Variants in AKAP7 observed in about 807,000 individuals in gnomAD.
The protein encoded by AKAP7 is A-kinase anchoring protein 7.
In AKAP7, 39 loss-of-function variants were observed where a neutral mutation model predicts 39.5. The observed-to-expected ratio is 0.99, with a 90% CI of 0.76 to 1.29. The LOEUF (loss-of-function observed/expected upper bound fraction) is 1.29, where lower values mean the gene tolerates loss of function less well. Ranked by LOEUF, AKAP7 falls within the 50% of genes most tolerant of loss-of-function variation. The pLI, the probability that AKAP7 is intolerant of heterozygous loss-of-function variation, is 0.00. For synonymous variants in AKAP7, 140 were observed against 139.1 expected (o/e 1.01, Z -0.05); for missense variants, 414 against 407.7 (o/e 1.02, Z -0.13).
chr6:131,147,262 C>T (rs1801556300), intron 2 of AKAP7, among the ~76,000 whole-genome samples: 1 of 152,208 alleles, frequency 6.6e-6, no homozygotes, highest in Non-Finnish European at 1.5e-5. Flanking sequence ...TTCTGATGCT[C>T]AGCCAGTCTC....
At chr6:131,127,834 A>G in the AKAP7 span, among the ~76,000 whole-genome samples, 2 of 152,254 alleles carry the variant, frequency 1.3e-5, no homozygotes, top group African/African-American at 2.4e-5. Flanking sequence ...ACCATGGAAT[A>G]CTATGCAACC....
At position 131,145,281 on chromosome 6, in the gene AKAP7, A is replaced by G. The variant is rs771165203; in HGVS notation, c.20-4A>G. 8.1e-6 allele frequency: 12 copies of G among 1,481,396 alleles called. No homozygotes were observed. The Admixed American group carries it at 1.3e-4, about 16-fold the overall frequency. 91.8% of individuals were successfully genotyped at this position (1,481,396 alleles called of 1,614,324 possible). On this transcript the variant is annotated splice_polypyrimidine_tract_variant and splice_region_variant and intron_variant, in intron 1 of 7. Coordinates refer to ENST00000431975, the MANE Select transcript of AKAP7 (RefSeq NM_016377.4). ...CTTTTTTTTCTGTTTGTGATATGTT[A>G]AAGGAGGAATTAATTCCAATGAGTG...
rs1225242949 is a variant in AKAP7 at position 131,282,531 on chromosome 6, A to C, written c.*805A>C. ...GAGACTCAGGCCAGAATTAGGAGGGAGCTTTTTGAAGGAAGACTTATTAAC... is the reference window on the plus strand; with the variant it reads ...GAGACTCAGGCCAGAATTAGGAGGGCGCTTTTTGAAGGAAGACTTATTAAC... On this transcript the variant is annotated 3_prime_UTR_variant, in exon 8 of 8. Transcript: ENST00000431975. 1 of 1,535,900 alleles carries C rather than the reference A, an allele frequency of 6.5e-7. No individual in the cohort carries two copies. Among genetic ancestry groups the C allele is most frequent in the Admixed American group, 2.0e-5 (1 of 50,990 alleles).
chr6:131,209,784 T>C (rs965464277), intron 6 of AKAP7, among the ~76,000 whole-genome samples: 4 of 152,218 alleles, frequency 2.6e-5, no homozygotes, highest in African/African-American at 4.8e-5. Context: ...ATTTTCTTAG[T>C]CAAGGACAAA....
At chr6:131,217,679 C>T (rs771628819) in intron 6 of AKAP7, among the ~76,000 whole-genome samples, 7 of 152,112 alleles carry the variant, frequency 4.6e-5, no homozygotes, top group East Asian at 1.9e-4. Context: ...AAACAGTTAG[C>T]GTTTACCTTT....
chr6:131,226,923 C>G (rs1008691497), intron 7 of AKAP7, among the ~76,000 whole-genome samples: 1 of 152,134 alleles, frequency 6.6e-6, no homozygotes, highest in East Asian at 1.9e-4. Flanking sequence ...ACTTCTCTCT[C>G]GGGTATCATG....
rs931501925 is a variant in AKAP7 at position 131,282,373 on chromosome 6, GT to G, written c.*649del. 5 of 1,437,132 alleles carry G rather than the reference GT, an allele frequency of 3.5e-6. No homozygotes were observed. In the African/African-American group the frequency reaches 7.2e-5, roughly 21 times the overall value. 89.0% of individuals were successfully genotyped at this position (1,437,132 alleles called of 1,614,324 possible). ...GTCAGTATGCCATATTTAATGAAATGTTATTATATAATTTTTTTTTCTTAGG... is the reference window on the plus strand; with the variant it reads ...GTCAGTATGCCATATTTAATGAAATGTATTATATAATTTTTTTTTCTTAGG... On this transcript the variant is annotated 3_prime_UTR_variant, in exon 8 of 8. Transcript: ENST00000431975.
chr6:131,150,250 C>T (rs1380205965), intron 2 of AKAP7, among the ~76,000 whole-genome samples: 4 of 152,096 alleles, frequency 2.6e-5, no homozygotes, highest in African/African-American at 9.7e-5. Context: ...GAATTCTACT[C>T]TGTAATAACT....
At chr6:131,166,537 A>G (rs1427604448) in intron 4 of AKAP7, among the ~76,000 whole-genome samples, 7 of 152,234 alleles carry the variant, frequency 4.6e-5, no homozygotes, top group Non-Finnish European at 2.9e-5. Context: ...TCTTCAGGGC[A>G]GTCTGGAAGG....
At position 131,217,201 on chromosome 6, in the gene AKAP7, A is replaced by G. The variant is rs568086095; in HGVS notation, c.703-2460A>G. ...CTGGGAGGATGATGCTTCTGAAACT[A>G]TTTTGCCATCCCAGTGGATTCATTC... On this transcript the variant is annotated intron_variant, in intron 6 of 7. Coordinates refer to ENST00000431975, the MANE Select transcript of AKAP7 (RefSeq NM_016377.4). Among the ~76,000 whole-genome samples, 27 of 152,174 alleles carry G rather than the reference A, an allele frequency of 1.8e-4. No homozygotes were observed. In the South Asian group the frequency reaches 2.9e-3, roughly 16 times the overall value.
At chr6:131,135,272 T>G (rs1413940951), upstream of AKAP7, among the ~76,000 whole-genome samples, 1 of 152,294 alleles carries the variant, frequency 6.6e-6, no homozygotes, top group Admixed American at 6.5e-5. Flanking sequence ...GGGAAATAAA[T>G]GAGGGCTGCC....
chr6:131,219,543 G>A (rs761805164), intron 6 of AKAP7, 118 bp from the exon 7 acceptor site: 33 of 881,768 alleles, frequency 3.7e-5, no homozygotes, highest in Non-Finnish European at 5.4e-5. Context: ...TCAAGTGCCA[G>A]TAGGCAGTGG....
intron 7 of AKAP7, among the ~76,000 whole-genome samples, chr6:131,241,577 A>ATATGTGTGTG (rs1349874555): frequency 1.8e-4 from 15 of 81,276 alleles, no homozygotes; most frequent in African/African-American, 6.9e-4. Flanking sequence ...GATTATATAT[A>ATATGTGTGTG]TGTGTGTGTG....
In AKAP7 at chr6:131,213,096, C is replaced by T. The variant is rs560903204; in HGVS notation, c.703-6565C>T. ...GAGGTGAGTGGTTCCATACTTTTGA[C>T]CTCTAAGCTATAAAAGCACAACACA... On this transcript the variant is annotated intron_variant, in intron 6 of 7. Transcript: ENST00000431975. 2.6e-5 allele frequency among the ~76,000 whole-genome samples: 4 copies of T among 152,252 alleles called. No homozygotes were observed. The East Asian group carries it at 7.7e-4, about 29-fold the overall frequency.
At chr6:131,203,285 C>T (rs1258979344) in intron 6 of AKAP7, among the ~76,000 whole-genome samples, 2 of 152,096 alleles carry the variant, frequency 1.3e-5, no homozygotes, top group Non-Finnish European at 2.9e-5. Flanking sequence ...CTATTTTCTT[C>T]TCTCGGCACT....
intron 7 of AKAP7, chr6:131,242,176 A>G (rs902325338): frequency 1.0e-6 from 1 of 984,908 alleles, no homozygotes; most frequent in Non-Finnish European, 1.2e-6. Context: ...TACTAGAGTA[A>G]TGATTCAGGT....
At chr6:131,216,653 A>G (rs1262708722) in intron 6 of AKAP7, among the ~76,000 whole-genome samples, 1 of 152,230 alleles carries the variant, frequency 6.6e-6, no homozygotes, top group African/African-American at 2.4e-5. Context: ...GATAGTCTTG[A>G]AAACTTTTTT....
chr6:131,233,727 A>G (rs1351825283), intron 7 of AKAP7, among the ~76,000 whole-genome samples: 2 of 152,164 alleles, frequency 1.3e-5, no homozygotes, highest in Admixed American at 6.6e-5. Context: ...GTGTTAAGGG[A>G]TTTGTAAAAT....
chr6:131,206,760 T>G (rs1348610124), intron 6 of AKAP7, among the ~76,000 whole-genome samples: 1 of 149,610 alleles, frequency 6.7e-6, no homozygotes, highest in Non-Finnish European at 1.5e-5. Context: ...TAGCTAGCTG[T>G]CTGTCTGTCT....
Sources: gnomAD v4.1 joint callset for allele counts (sites outside exome capture counted in the v4.1 genomes callset) on GRCh38, gnomAD v4.1.1 for gene constraint, MANE v1.5 for transcripts, NCBI Gene and HGNC (gene_info 2026-07-23, HGNC 2026-07-21) for gene names.